Variants in GPM6A observed in about 807,000 individuals in gnomAD.
The protein encoded by GPM6A is neuronal membrane glycoprotein M6-a.
A neutral mutation model predicts 32.1 loss-of-function variants in GPM6A; 7 were observed. The ratio of observed to expected loss-of-function variants is 0.22; its 90% CI spans 0.12 to 0.41. GPM6A has a LOEUF of 0.41. Among genes scored for constraint, GPM6A ranks in the 10% least tolerant of loss-of-function variants. The pLI, the probability that GPM6A is intolerant of heterozygous loss-of-function variation, is 1.00. For missense variants in GPM6A, 235 were observed against 347.2 expected (o/e 0.68, Z 2.57); for synonymous variants, 130 against 123.4 (o/e 1.05, Z -0.35).
chr4:175,812,120 A>T, intron 1 of GPM6A, 71 bp downstream of exon 1: 1 of 1,133,870 alleles, frequency 8.8e-7, no homozygotes. Context: ...CCTTACTGGC[A>T]AGTGTCTAAA....
chr4:175,778,033 T>C lies in GPM6A; in HGVS notation c.37+34158A>G, dbSNP rs1351606119. 4.6e-5 allele frequency among the ~76,000 whole-genome samples: 7 copies of C among 152,320 alleles called. No individual in the cohort carries two copies. In the East Asian group the frequency reaches 7.7e-4, roughly 17 times the overall value. ...ATCACTCATTTATTTCACAGCATAA[T>C]GGAGCACAGATTTGCATGTAATCTG... On this transcript the variant is annotated intron_variant, in intron 1 of 6. Transcript: ENST00000393658.
chr4:175,935,959 C>T (rs1045953427), intron 1 of GPM6A, among the ~76,000 whole-genome samples: 2 of 150,342 alleles, frequency 1.3e-5, no homozygotes, highest in Non-Finnish European at 3.0e-5. Context: ...AAACACTATG[C>T]AATAACTTGA....
chr4:175,866,067 A>T (rs1413722718), intron 1 of GPM6A, among the ~76,000 whole-genome samples: 2 of 152,234 alleles, frequency 1.3e-5, no homozygotes, highest in African/African-American at 4.8e-5. Context: ...ACAGAATTTA[A>T]AATGTTATCC....
chr4:175,917,112 A>G (rs947001102), intron 1 of GPM6A, among the ~76,000 whole-genome samples: 17 of 152,116 alleles, frequency 1.1e-4, no homozygotes, highest in Admixed American at 9.8e-4. Context: ...ATAGAAGTCC[A>G]TTGAACAGGG....
chr4:175,700,056 T>G (rs1321995963), intron 2 of GPM6A, among the ~76,000 whole-genome samples: 1 of 151,866 alleles, frequency 6.6e-6, no homozygotes, highest in Non-Finnish European at 1.5e-5. Context: ...AGAGACGGGA[T>G]TTCACCATGT....
At chr4:175,917,557 A>T (rs1246405565) in intron 1 of GPM6A, among the ~76,000 whole-genome samples, 1 of 152,232 alleles carries the variant, frequency 6.6e-6, no homozygotes, top group Non-Finnish European at 1.5e-5. Flanking sequence ...ACATCTGTCC[A>T]TGTACGTTAC....
chr4:175,911,566 G>A (rs1051783405), intron 1 of GPM6A, among the ~76,000 whole-genome samples: 2 of 152,076 alleles, frequency 1.3e-5, no homozygotes, highest in South Asian at 2.1e-4. Flanking sequence ...CTCTATTGAC[G>A]GAGGAACAAT....
At chr4:175,678,000 T>G (rs1396556973) in intron 2 of GPM6A, among the ~76,000 whole-genome samples, 3 of 152,198 alleles carry the variant, frequency 2.0e-5, no homozygotes, top group African/African-American at 7.2e-5. Context: ...ACAATATTTC[T>G]TCCTTTAGCA....
At chr4:175,882,889 G>A (rs936206745) in intron 1 of GPM6A, among the ~76,000 whole-genome samples, 1 of 151,946 alleles carries the variant, frequency 6.6e-6, no homozygotes, top group Non-Finnish European at 1.5e-5. Flanking sequence ...TAAGAATAAG[G>A]TCTTGGAAAA....
intron 5 of GPM6A, 128 bp downstream of exon 5, chr4:175,640,625 T>C: frequency 1.5e-6 from 1 of 685,796 alleles, no homozygotes; most frequent in South Asian, 1.6e-5. Flanking sequence ...ATAACACTAC[T>C]TCAGGTAAAA....
chr4:175,809,269 G>A (rs938054650), intron 1 of GPM6A, among the ~76,000 whole-genome samples: 11 of 152,168 alleles, frequency 7.2e-5, no homozygotes, highest in African/African-American at 2.7e-4. Context: ...TGTAGTAACT[G>A]GGGTCCTTGT....
chr4:175,818,493 C>G (rs941656012), intron 1 of GPM6A, among the ~76,000 whole-genome samples: 2 of 152,238 alleles, frequency 1.3e-5, no homozygotes, highest in Non-Finnish European at 2.9e-5. Context: ...ATCTTCCCCC[C>G]TGGCCTGCGG....
At chr4:175,912,334 A>G (rs923333524) in intron 1 of GPM6A, among the ~76,000 whole-genome samples, 11 of 152,088 alleles carry the variant, frequency 7.2e-5, no homozygotes, top group Non-Finnish European at 1.6e-4. Context: ...TTTATATACC[A>G]CTTCTGAGTA....
chr4:175,763,118 C>A (rs1732816430), intron 1 of GPM6A, among the ~76,000 whole-genome samples: 1 of 152,092 alleles, frequency 6.6e-6, no homozygotes, highest in Admixed American at 6.6e-5. Context: ...CTAGTTTTTT[C>A]ATTAACAATA....
chr4:175,741,226 T>C (rs1274691184), intron 1 of GPM6A, among the ~76,000 whole-genome samples: 1 of 152,050 alleles, frequency 6.6e-6, no homozygotes, highest in Non-Finnish European at 1.5e-5. Flanking sequence ...ATGAAATGTT[T>C]CCCTTTTCTC....
rs147134997 is a variant in GPM6A, at chr4:175,660,127, C to T, written c.388-8140G>A. On this transcript the variant is annotated intron_variant, in intron 3 of 6. Transcript: ENST00000393658. The stretch of plus-strand genomic sequence containing the variant: ...TAAAAAAAAGTATATAGGCTGGGTG[C>T]GATGGTTCACACCTGTAATCCCAGC... Among the ~76,000 whole-genome samples, 1,015 of 151,996 alleles carry T rather than the reference C, an allele frequency of 6.7e-3. 10 individuals carry two copies. The highest frequency in any genetic ancestry group is 6.9e-3 in the Non-Finnish European group (470 of 67,966).
chr4:175,655,277 A>G (rs1742017398), intron 3 of GPM6A, among the ~76,000 whole-genome samples: 1 of 152,110 alleles, frequency 6.6e-6, no homozygotes, highest in Non-Finnish European at 1.5e-5. Context: ...GTGGCATTTC[A>G]GGGTGTAGCA....
intron 1 of GPM6A, among the ~76,000 whole-genome samples, chr4:175,967,242 T>C (rs1447681980): frequency 1.3e-5 from 2 of 152,170 alleles, no homozygotes; most frequent in East Asian, 1.9e-4. Context: ...TGACAACCCA[T>C]TAATGATAAA....
intron 1 of GPM6A, among the ~76,000 whole-genome samples, chr4:175,797,381 T>A (rs556551598): frequency 1.3e-5 from 2 of 152,304 alleles, no homozygotes; most frequent in African/African-American, 4.8e-5. Context: ...TTTGGGTAGG[T>A]AGCTGTTGAG....
Sources: gnomAD v4.1 joint callset for allele counts (sites outside exome capture counted in the v4.1 genomes callset) on GRCh38, gnomAD v4.1.1 for gene constraint, MANE v1.5 for transcripts, NCBI Gene and HGNC (gene_info 2026-07-23, HGNC 2026-07-21) for gene names.